Variants in ABL2 observed in about 807,000 individuals in gnomAD.
ABL2 encodes tyrosine-protein kinase ABL2.
In ABL2, 49 loss-of-function variants were observed where a neutral mutation model predicts 107.7. That is an observed-to-expected ratio of 0.45 (90% CI 0.36 to 0.58). The LOEUF is 0.58. Ranked by LOEUF, ABL2 falls within the 20% of genes least tolerant of loss-of-function variation. ABL2 has a pLI of 0.00. For synonymous variants in ABL2, 549 were observed against 548.6 expected (o/e 1.00, Z -0.01); for missense variants, 1,245 against 1,457.0 (o/e 0.85, Z 2.37).
Position 179,108,915 on chromosome 1 carries a change from T to C in ABL2, c.2352A>G (p.Thr784=), listed in dbSNP as rs1289803329. The change falls in exon 12 of 12, where the codon ACA becomes ACG. Residue 784 remains threonine, a synonymous_variant. Transcript: ENST00000502732. The part of the protein sequence containing the change: ...TSKPFPRSNS[T]SSMSSGLPEQ... ...CTGGAAGCCCTGAGGACATGGAAGA[T>C]GTAGAGTTTGACCTTGGAAAAGGCT... The C allele has an allele frequency of 5.0e-6, 8 of 1,613,960 alleles. No individual in the cohort carries two copies. Among genetic ancestry groups the C allele is most frequent in the South Asian group, 1.1e-5 (1 of 91,078 alleles).
At chr1:179,168,670 A>G (rs1450956501) in intron 1 of ABL2, among the ~76,000 whole-genome samples, 1 of 152,186 alleles carries the variant, frequency 6.6e-6, no homozygotes, top group Non-Finnish European at 1.5e-5. Flanking sequence ...GCACAGATTT[A>G]TGGACTCACC....
chr1:179,121,309 AT>A (rs1655169093), intron 5 of ABL2, among the ~76,000 whole-genome samples: 1 of 152,152 alleles, frequency 6.6e-6, no homozygotes, highest in Non-Finnish European at 1.5e-5. Flanking sequence ...AAAAGAGCTT[AT>A]TTTGCTTTTA....
rs1655754346 is a variant in ABL2 at position 179,126,729 on chromosome 1, G to A, written c.392-57C>T. 4.1e-6 allele frequency: 6 copies of A among 1,468,022 alleles called. No individual in the cohort carries two copies. In the Admixed American group the frequency reaches 9.8e-5, roughly 24 times the overall value. The allele number at this position is 1,468,022 out of a possible 1,614,324, so 90.9% of individuals were successfully genotyped here. A position where few individuals can be genotyped will look rare whatever the true frequency, so the allele number is the denominator to read the frequency against. ...ACGATGTTAAGACTTTATTTCAACTGAAGCAGTGTACTGTCAAACTTTAAA... is the reference window on the plus strand; with the variant it reads ...ACGATGTTAAGACTTTATTTCAACTAAAGCAGTGTACTGTCAAACTTTAAA... On this transcript the variant is annotated intron_variant, in intron 3 of 11. Transcript: ENST00000502732. This position sits in a 1 kb window ranked among gnomAD's most constrained non-coding sequence, Gnocchi z 4.4.
chr1:179,138,942 A>AGCCG (rs1236820744), intron 1 of ABL2, among the ~76,000 whole-genome samples: 2 of 152,212 alleles, frequency 1.3e-5, no homozygotes, highest in African/African-American at 4.8e-5. Context: ...CACTCGGAGC[A>AGCCG]GCCAGCCAGC....
intron 1 of ABL2, among the ~76,000 whole-genome samples, chr1:179,215,947 C>A (rs1662539723): frequency 6.6e-6 from 1 of 152,088 alleles, no homozygotes; most frequent in South Asian, 2.1e-4. Flanking sequence ...CAGAGAGAAA[C>A]ATGTTAACAA....
In ABL2 at chr1:179,126,515, A is replaced by T. The variant is rs761617790; in HGVS notation, c.549T>A (p.Ala183=). The T allele has an allele frequency of 1.9e-6, 3 of 1,614,086 alleles. No homozygotes were observed. In the East Asian group the frequency reaches 6.7e-5, roughly 36 times the overall value. The change falls in exon 4 of 12, where the codon GCT becomes GCA. Residue 183 remains alanine, a synonymous_variant. Transcript: ENST00000502732. This position sits in a 1 kb window ranked among gnomAD's most constrained non-coding sequence, Gnocchi z 4.4. ...TGATTAGACTGCTGAGCAGATACTC[A>T]GCTGCACTGCGTGACACAGGTCCAT... ...WYHGPVSRSA[A]EYLLSSLING...
chr1:179,206,043 A>T (rs1249192631), intron 1 of ABL2, among the ~76,000 whole-genome samples: 10 of 152,178 alleles, frequency 6.6e-5, no homozygotes, highest in Admixed American at 6.5e-4. Context: ...AATTACAGGG[A>T]TGTTGAATAA....
chr1:179,114,254 A>G (rs1190695506), intron 9 of ABL2, among the ~76,000 whole-genome samples: 1 of 151,948 alleles, frequency 6.6e-6, no homozygotes, highest in African/African-American at 2.4e-5. Flanking sequence ...TCTCAAAAAA[A>G]AAAAAATTAG....
intron 1 of ABL2, among the ~76,000 whole-genome samples, chr1:179,189,001 C>CA: frequency 6.6e-6 from 1 of 152,272 alleles, no homozygotes; most frequent in East Asian, 1.9e-4. Flanking sequence ...CAAAATGTAA[C>CA]ATGTTAATTT....
At chr1:179,183,616 GT>G (rs1557981751) in intron 1 of ABL2, 1 of 151,978 alleles carries the variant, frequency 6.6e-6, no homozygotes, top group Non-Finnish European at 1.5e-5. Flanking sequence ...TAATACAAAC[GT>G]AAGTTAAAAT....
intron 1 of ABL2, chr1:179,143,075 G>C: frequency 1.2e-6 from 2 of 1,610,358 alleles, no homozygotes; most frequent in Non-Finnish European, 8.5e-7. Context: ...AAGTTAAACT[G>C]TTCTGTGTAA....
Position 179,227,499 on chromosome 1 carries a change from A to G in ABL2, c.157+1742T>C, listed in dbSNP as rs550768166. On this transcript the variant is annotated intron_variant, in intron 1 of 11. Coordinates refer to ENST00000502732, the MANE Select transcript of ABL2 (RefSeq NM_007314.4). The stretch of plus-strand genomic sequence containing the variant: ...AAAATGTCTTCCTATTCCATTCTTC[A>G]TGACTTCCTCTTTCTTGGAAAATCT... Among the ~76,000 whole-genome samples the G allele has an allele frequency of 2.0e-5, 3 of 152,002 alleles. No homozygotes were observed. In the East Asian group the frequency reaches 5.8e-4, roughly 29 times the overall value.
Position 179,112,322 on chromosome 1 carries a change from G to A in ABL2, c.1638C>T (p.Ser546=), listed in dbSNP as rs1275267030. 3 of 1,613,196 alleles carry A rather than the reference G, an allele frequency of 1.9e-6. No homozygotes were observed. In the African/African-American group the frequency reaches 4.0e-5, roughly 22 times the overall value. The change falls in exon 10 of 12, where the codon TCC becomes TCT. Residue 546 remains serine (S), a synonymous_variant. Transcript: ENST00000502732. ...ACAGATTCTCACCTTCAGAAATGCT[G>A]GAGTCATGGAACATGGTTTCAAAAG... The part of the protein sequence containing the change: ...HQAFETMFHD[S]SISEEVAEEL...
At chr1:179,159,776 T>C (rs1658950677) in intron 1 of ABL2, among the ~76,000 whole-genome samples, 1 of 152,196 alleles carries the variant, frequency 6.6e-6, no homozygotes, top group Non-Finnish European at 1.5e-5. Context: ...CTTATAAAAA[T>C]ACTTGTATAA....
intron 9 of ABL2, 142 bp from the exon 10 acceptor site, chr1:179,112,540 C>T (rs1189302954): frequency 1.7e-6 from 1 of 592,720 alleles, no homozygotes; most frequent in East Asian, 2.9e-5. Context: ...GCAACATAGC[C>T]ACTTCTCAGC....
At chr1:179,218,650 G>C (rs1662712388) in intron 1 of ABL2, among the ~76,000 whole-genome samples, 1 of 152,146 alleles carries the variant, frequency 6.6e-6, no homozygotes, top group South Asian at 2.1e-4. Context: ...CACCTGCCTT[G>C]GCTTCCCAAA....
chr1:179,229,156 CG>C (rs1370332348), intron 1 of ABL2, 84 bp downstream of exon 1: 3 of 1,317,732 alleles, frequency 2.3e-6, no homozygotes, highest in African/African-American at 1.5e-5. Flanking sequence ...TCCGACCCCT[CG>C]GGCAGCCCGT....
chr1:179,176,505 T>G (rs1660053493), intron 1 of ABL2, among the ~76,000 whole-genome samples: 1 of 152,100 alleles, frequency 6.6e-6, no homozygotes, highest in South Asian at 2.1e-4. Flanking sequence ...TTAAAAAGTT[T>G]CTAAGAAATT....
At chr1:179,116,398 T>A (rs938594002) in intron 8 of ABL2, among the ~76,000 whole-genome samples, 2 of 151,982 alleles carry the variant, frequency 1.3e-5, no homozygotes, top group African/African-American at 4.8e-5. Flanking sequence ...AAAAACCTAA[T>A]GTGGAAATAG....
Sources: gnomAD v4.1 joint callset for allele counts (sites outside exome capture counted in the v4.1 genomes callset) on GRCh38, gnomAD v4.1.1 for gene constraint, Gnocchi (gnomAD v3.1) non-coding constraint, MANE v1.5 for transcripts, NCBI Gene and HGNC (gene_info 2026-07-23, HGNC 2026-07-21) for gene names.